CAP2: variants seen among roughly 807,000 people sequenced by gnomAD.
The protein encoded by CAP2 is cyclase associated actin cytoskeleton regulatory protein 2, also known as adenylyl cyclase-associated protein 2.
Under a neutral mutation model 57.7 loss-of-function variants are expected in CAP2, and 24 were observed. That is an observed-to-expected ratio of 0.42 (90% CI 0.30 to 0.58). The LOEUF (loss-of-function observed/expected upper bound fraction) is 0.58. CAP2 is among the 20% of genes least tolerant of loss of function. CAP2 has a pLI of 0.22. For missense variants in CAP2, 501 were observed against 590.3 expected, an observed-to-expected ratio of 0.85 and a Z score of 1.57; for synonymous variants, 194 against 207.2, an observed-to-expected ratio of 0.94 and a Z score of 0.55.
intron 4 of CAP2, among the ~76,000 whole-genome samples, chr6:17,469,008 A>G (rs1240721569): frequency 1.3e-5 from 2 of 152,222 alleles, no homozygotes; most frequent in African/African-American, 2.4e-5. Context: ...GTTGACATGA[A>G]CAAGTGTTTT....
intron 7 of CAP2, among the ~76,000 whole-genome samples, chr6:17,520,852 T>G (rs1472753794): frequency 6.6e-6 from 1 of 152,224 alleles, no homozygotes; most frequent in African/African-American, 2.4e-5. Context: ...ATCCAAATTT[T>G]CATTTAGAAC....
At chr6:17,417,224 A>G (rs1759303816) in intron 1 of CAP2, among the ~76,000 whole-genome samples, 1 of 151,962 alleles carries the variant, frequency 6.6e-6, no homozygotes, top group East Asian at 1.9e-4. Context: ...AAAAAAATTA[A>G]TTCAAAACAA....
intron 4 of CAP2, among the ~76,000 whole-genome samples, chr6:17,473,040 T>TC (rs1220146847): frequency 6.6e-6 from 1 of 151,470 alleles, no homozygotes; most frequent in Non-Finnish European, 1.5e-5. Flanking sequence ...TGGTGACCTT[T>TC]TTTTTTTTTT....
intron 4 of CAP2, among the ~76,000 whole-genome samples, chr6:17,488,108 A>G (rs1207151996): frequency 6.6e-6 from 1 of 151,588 alleles, no homozygotes; most frequent in South Asian, 2.1e-4. Context: ...AAGTCTCACT[A>G]TACTGTCCTG....
intron 7 of CAP2, among the ~76,000 whole-genome samples, chr6:17,524,051 G>T (rs981093148): frequency 6.8e-6 from 1 of 146,248 alleles, no homozygotes; most frequent in Non-Finnish European, 1.5e-5. Flanking sequence ...ACTCCAGCCT[G>T]GTGACAGAGA....
chr6:17,543,359 C>T (rs1034960174), intron 11 of CAP2, among the ~76,000 whole-genome samples: 5 of 151,976 alleles, frequency 3.3e-5, no homozygotes, highest in Admixed American at 6.6e-5. Context: ...GGCTCACGCC[C>T]GTAACCCTAG....
intron 6 of CAP2, among the ~76,000 whole-genome samples, chr6:17,508,755 C>CT (rs10635657): frequency 0.53 from 77,280 of 144,964 alleles, 20,575 homozygotes; most frequent in Admixed American, 0.57. Flanking sequence ...AATTCACCTT[C>CT]TTTTTTTTTT....
At chr6:17,540,874 A>G (rs763073630) in intron 8 of CAP2, 99 bp from the exon 9 acceptor site, 18 of 1,226,418 alleles carry the variant, frequency 1.5e-5, no homozygotes, top group Non-Finnish European at 1.9e-5. Context: ...GGCCTTACCA[A>G]AAGTTCTTGT....
chr6:17,400,394 T>C (rs1299363884), intron 1 of CAP2, among the ~76,000 whole-genome samples: 1 of 152,148 alleles, frequency 6.6e-6, no homozygotes, highest in African/African-American at 2.4e-5. Flanking sequence ...ACTCCCCCTA[T>C]GTTGAGTGAC....
intron 3 of CAP2, among the ~76,000 whole-genome samples, chr6:17,458,201 T>G (rs374375653): frequency 3.9e-5 from 6 of 152,218 alleles, no homozygotes; most frequent in African/African-American, 1.2e-4. Flanking sequence ...CAGTGAGATT[T>G]GAAAGCCCTC....
chr6:17,487,263 C>T (rs1391259560), intron 4 of CAP2, among the ~76,000 whole-genome samples: 5 of 152,288 alleles, frequency 3.3e-5, no homozygotes, highest in East Asian at 1.9e-4. Context: ...CTGAGAAACA[C>T]TCCCAATTGG....
chr6:17,399,226 C>G (rs1046163370), intron 1 of CAP2, among the ~76,000 whole-genome samples: 2 of 152,168 alleles, frequency 1.3e-5, no homozygotes, highest in African/African-American at 4.8e-5. Context: ...CCCCACCCAG[C>G]TAATTTTTAT....
At position 17,557,615 on chromosome 6, in the gene CAP2, A is replaced by G. The variant is rs1197518389; in HGVS notation, c.*1173A>G. On this transcript the variant is annotated 3_prime_UTR_variant, in exon 13 of 13. Transcript: ENST00000229922. ...ACAGCCTTTGGAATACATTGTTTCC[A>G]TTTTTTAAATATCTTCTATATCCAT... 1 of 152,188 alleles carries G rather than the reference A, an allele frequency of 6.6e-6. No homozygotes were observed. The highest frequency in any genetic ancestry group is 1.9e-4 in the East Asian group (1 of 5,202). The allele number at this position is 152,188 out of a possible 1,614,324, so 9.4% of individuals were successfully genotyped here.
intron 7 of CAP2, chr6:17,530,768 T>G (rs1762620661): frequency 3.8e-6 from 2 of 520,824 alleles, no homozygotes; most frequent in African/African-American, 3.9e-5. Flanking sequence ...ATAATCCACC[T>G]GTTCCAAGAG....
chr6:17,539,695 A>G (rs917076917), intron 8 of CAP2, among the ~76,000 whole-genome samples: 3 of 152,192 alleles, frequency 2.0e-5, no homozygotes, highest in Non-Finnish European at 4.4e-5. Flanking sequence ...TCTGGGTTCT[A>G]AATGGACCAC....
chr6:17,444,816 A>G (rs1760209518), intron 3 of CAP2, among the ~76,000 whole-genome samples: 1 of 147,446 alleles, frequency 6.8e-6, no homozygotes, highest in African/African-American at 2.5e-5. Flanking sequence ...ACACACACAC[A>G]CACACACACA....
At chr6:17,407,948 C>T (rs1488262740) in intron 1 of CAP2, among the ~76,000 whole-genome samples, 1 of 152,038 alleles carries the variant, frequency 6.6e-6, no homozygotes, top group Non-Finnish European at 1.5e-5. Flanking sequence ...TAAAACTGGC[C>T]CAACACTTAA....
chr6:17,483,019 GCTT>G (rs1192603511), intron 4 of CAP2, among the ~76,000 whole-genome samples: 2 of 152,212 alleles, frequency 1.3e-5, no homozygotes, highest in African/African-American at 4.8e-5. Context: ...ACCAATAACT[GCTT>G]CTTCTCTCTC....
At position 17,543,954 on chromosome 6, in the gene CAP2, G is replaced by C. The variant is rs1762974904; in HGVS notation, c.1209+811G>C. On this transcript the variant is annotated intron_variant, in intron 11 of 12. Transcript: ENST00000229922. ...AGCCTAGCTAACATGGTGAAACCCT[G>C]TCTATATTGAAAACACAAAAATTAG... is the stretch of plus-strand genomic sequence containing the variant. Among the ~76,000 whole-genome samples, 6 of 151,914 alleles carry C rather than the reference G, an allele frequency of 3.9e-5. 1 individual carries two copies. Among genetic ancestry groups the C allele is most frequent in the Admixed American group, 3.9e-4 (6 of 15,240 alleles).
Sources: gnomAD v4.1 joint callset for allele counts (sites outside exome capture counted in the v4.1 genomes callset) on GRCh38, gnomAD v4.1.1 for gene constraint, MANE v1.5 for transcripts, NCBI Gene and HGNC (gene_info 2026-07-23, HGNC 2026-07-21) for gene names.